The following ACOT11 variants were observed in gnomAD, a reference collection of about 807,000 sequenced individuals.
ACOT11 encodes acyl-CoA thioesterase 11.
In ACOT11, 69 loss-of-function variants were observed where a neutral mutation model predicts 77.5. The observed-to-expected ratio is 0.89, with a 90% CI of 0.73 to 1.09. ACOT11 has a LOEUF of 1.09. Among genes scored for constraint, ACOT11 ranks in the 50% least tolerant of loss-of-function variants. The probability of loss-of-function intolerance (pLI) is 0.00; values close to 1 mark genes in which losing one functional copy is unlikely to be tolerated. For missense variants in ACOT11, 766 were observed against 813.7 expected (o/e 0.94, Z 0.71); for synonymous variants, 279 against 313.0 (o/e 0.89, Z 1.15).
intron 1 of ACOT11, among the ~76,000 whole-genome samples, chr1:54,575,561 G>A (rs138842218): frequency 1.6e-3 from 239 of 146,668 alleles, no homozygotes; most frequent in Admixed American, 2.2e-3. Flanking sequence ...GGGAGAATTC[G>A]GAACGCACTG....
chr1:54,571,071 C>CTCTCTCTCTCTCT (rs779276330), intron 1 of ACOT11, among the ~76,000 whole-genome samples: 9 of 141,830 alleles, frequency 6.3e-5, no homozygotes, highest in African/African-American at 2.4e-4. Flanking sequence ...TTCTCTCTCT[C>CTCTCTCTCTCTCT]TTTTTTTTTT....
At chr1:54,555,474 G>GT (rs1467536980) in intron 1 of ACOT11, among the ~76,000 whole-genome samples, 16 of 151,874 alleles carry the variant, frequency 1.1e-4, no homozygotes, top group Non-Finnish European at 1.5e-4. Context: ...TATTTTGGAT[G>GT]TTAACCCCTT....
At chr1:54,582,368 C>G in intron 1 of ACOT11, 2 of 866,744 alleles carry the variant, frequency 2.3e-6, no homozygotes, top group South Asian at 1.1e-4. Flanking sequence ...AAACCTTTGA[C>G]GATGTCCTCC....
At chr1:54,566,394 T>C (rs1056662450) in intron 1 of ACOT11, among the ~76,000 whole-genome samples, 1 of 150,806 alleles carries the variant, frequency 6.6e-6, no homozygotes, top group African/African-American at 2.5e-5. Context: ...GAGATGGAGA[T>C]TGCAGTGAGC....
intron 1 of ACOT11, among the ~76,000 whole-genome samples, chr1:54,554,351 A>ATATATATATATATAT (rs1553161034): frequency 5.1e-5 from 5 of 97,256 alleles, no homozygotes; most frequent in Non-Finnish European, 7.7e-5. Context: ...ATATATATAT[A>ATATATATATATATAT]TTTTTTTTTT....
chr1:54,581,768 C>G (rs1654317214), intron 1 of ACOT11, among the ~76,000 whole-genome samples: 1 of 152,148 alleles, frequency 6.6e-6, no homozygotes, highest in Admixed American at 6.5e-5. Flanking sequence ...TCCAGGGCCT[C>G]TCCTCTCCCT....
chr1:54,635,939 GC>G (rs1022557288), exon 17 of ACOT11: 2 of 152,324 alleles, frequency 1.3e-5, no homozygotes, highest in Non-Finnish European at 2.9e-5. Context: ...CACCTGGCCT[GC>G]CCAGGGCGGA....
intron 1 of ACOT11, among the ~76,000 whole-genome samples, chr1:54,562,240 C>T (rs1360425401): frequency 2.7e-5 from 3 of 112,886 alleles, no homozygotes; most frequent in Admixed American, 7.6e-5. Context: ...ACCTCCCTCC[C>T]GGACGGGGCG....
At chr1:54,611,126 TCA>T (rs1314296914), downstream of ACOT11, 5 of 689,158 alleles carry the variant, frequency 7.3e-6, no homozygotes, top group African/African-American at 9.8e-5. Context: ...ATGGAATCCC[TCA>T]GTTTCTCTAT....
intron 6 of ACOT11, 21 bp downstream of exon 6, chr1:54,594,712 C>A: frequency 6.3e-7 from 1 of 1,597,350 alleles, no homozygotes; most frequent in East Asian, 2.2e-5. Flanking sequence ...GCCAGCTGTG[C>A]ATGGGGAGGG....
At chr1:54,556,894 G>C (rs1391135248) in intron 1 of ACOT11, among the ~76,000 whole-genome samples, 1 of 151,880 alleles carries the variant, frequency 6.6e-6, no homozygotes, top group African/African-American at 2.4e-5. Context: ...TCACTGTAGA[G>C]ATCTTTCATC....
At chr1:54,614,701 G>C (rs926066553), downstream of ACOT11, 5 of 1,611,856 alleles carry the variant, frequency 3.1e-6, no homozygotes, top group Admixed American at 1.7e-5. Flanking sequence ...AACACTCACT[G>C]TGTGGCATTG....
At chr1:54,592,332 C>T (rs1329589695) in intron 3 of ACOT11, among the ~76,000 whole-genome samples, 1 of 152,224 alleles carries the variant, frequency 6.6e-6, no homozygotes. Flanking sequence ...TGCTACTTCT[C>T]TCAGCCTCAG....
At chr1:54,571,360 T>C (rs1471220484) in intron 1 of ACOT11, among the ~76,000 whole-genome samples, 1 of 152,094 alleles carries the variant, frequency 6.6e-6, no homozygotes, top group Non-Finnish European at 1.5e-5. Context: ...TAGGAAAATA[T>C]GGGGATGGGA....
chr1:54,605,171 G>A lies in ACOT11; in HGVS notation c.1332G>A (p.Ser444=), dbSNP rs190744922. 1.6e-5 allele frequency: 26 copies of A among 1,613,782 alleles called. No homozygotes were observed. The Middle Eastern group carries it at 6.6e-4, about 41-fold the overall frequency. ...VDAAQAFLLL[S]DLRQRPEWDK... ...CAGCCCAGGCCTTCCTGCTGCTCTCGGACCTGCGTCAGAGGCCAGAGTGGG... is the reference window on the plus strand; with the variant it reads ...CAGCCCAGGCCTTCCTGCTGCTCTCAGACCTGCGTCAGAGGCCAGAGTGGG... The change falls in exon 13 of 16, where the codon TCG becomes TCA. Residue 444 remains serine, a synonymous_variant. Coordinates refer to ENST00000343744, the MANE Select transcript of ACOT11 (RefSeq NM_147161.4).
chr1:54,633,081 C>A (rs1644310395), intron 16 of ACOT11, among the ~76,000 whole-genome samples: 1 of 152,136 alleles, frequency 6.6e-6, no homozygotes. Flanking sequence ...AGAACCACTT[C>A]AAGCGGAAAA....
Position 54,548,264 on chromosome 1 carries a change from G to A in ACOT11, c.-46G>A. On this transcript the variant is annotated 5_prime_UTR_variant, in exon 1 of 16. Transcript: ENST00000343744. ...GGCCTGGCTGTTGCTCAGGTGACCA[G>A]CTTGTGTCTCTGGGAGGGCGCTGCT... is the stretch of plus-strand genomic sequence containing the variant. 6.3e-7 allele frequency: 1 copy of A among 1,576,160 alleles called. No homozygotes were observed. The highest frequency in any genetic ancestry group is 1.8e-4 in the Middle Eastern group (1 of 5,560).
chr1:54,579,382 T>C (rs1654222892), intron 1 of ACOT11, among the ~76,000 whole-genome samples: 1 of 152,178 alleles, frequency 6.6e-6, no homozygotes, highest in East Asian at 1.9e-4. Context: ...CCTGTGTGTG[T>C]CCCGGGTATG....
chr1:54,606,005 T>C (rs1485180672), intron 13 of ACOT11, among the ~76,000 whole-genome samples: 1 of 152,216 alleles, frequency 6.6e-6, no homozygotes. Context: ...AGTCCGCTGG[T>C]CACTTGGTGA....
Sources: allele counts gnomAD v4.1 joint callset (sites outside exome capture counted in the v4.1 genomes callset), GRCh38; gene constraint gnomAD v4.1.1; transcripts MANE v1.5; gene names NCBI Gene and HGNC (gene_info 2026-07-23, HGNC 2026-07-21).